The following TNIK variants were observed in gnomAD, a reference collection of about 807,000 sequenced individuals.
TNIK encodes the protein TRAF2 and NCK interacting kinase, also known as TRAF2 and NCK-interacting protein kinase.
Under a neutral mutation model 191.3 loss-of-function variants are expected in TNIK, and 49 were observed. The ratio of observed to expected loss-of-function variants is 0.26; its 90% confidence interval spans 0.20 to 0.32. The LOEUF (loss-of-function observed/expected upper bound fraction) is 0.32. Ranked by LOEUF, TNIK falls within the 10% of genes least tolerant of loss-of-function variation. TNIK has a pLI of 1.00. For synonymous variants in TNIK, 594 were observed against 600.9 expected (o/e 0.99, Z 0.17); for missense variants, 1,155 against 1,702.3 (o/e 0.68, Z 5.66).
At chr3:171,217,337 T>C (rs1741568997) in intron 3 of TNIK, among the ~76,000 whole-genome samples, 1 of 152,080 alleles carries the variant, frequency 6.6e-6, no homozygotes, top group East Asian at 1.9e-4. Context: ...TATGAATGGG[T>C]GCTAAGCATT....
chr3:171,260,683 G>C (rs1416131785), intron 2 of TNIK, among the ~76,000 whole-genome samples: 1 of 152,272 alleles, frequency 6.6e-6, no homozygotes, highest in Admixed American at 6.5e-5. Context: ...CCAATGAGTT[G>C]TTTTTAGCTA....
chr3:171,382,025 A>G lies in TNIK; in HGVS notation c.58-12340T>C, dbSNP rs564073317. Among the ~76,000 whole-genome samples the G allele has an allele frequency of 3.9e-5, 6 of 152,308 alleles. 1 individual carries two copies. The highest frequency in any genetic ancestry group is 1.9e-4 in the East Asian group (1 of 5,190). ...TATCTTGAAAGAGAAACAAACTTCT[A>G]TCTTCCTTAACCCACTAATATTTTG... On this transcript the variant is annotated intron_variant, in intron 1 of 32. Coordinates refer to ENST00000436636, the MANE Select transcript of TNIK (RefSeq NM_015028.4).
chr3:171,254,206 G>C (rs1276279711), intron 2 of TNIK, among the ~76,000 whole-genome samples: 1 of 152,002 alleles, frequency 6.6e-6, no homozygotes, highest in Admixed American at 6.6e-5. Flanking sequence ...TTAATGTAGC[G>C]TGTCTATTAC....
At position 171,217,759 on chromosome 3, in the gene TNIK, T is replaced by G. The variant is rs116202146; in HGVS notation, c.181-6518A>C. Among the ~76,000 whole-genome samples, 1,268 of 152,258 alleles carry G rather than the reference T, an allele frequency of 8.3e-3. 17 individuals carry two copies. The highest frequency in any genetic ancestry group is 0.028 in the African/African-American group (1,184 of 41,564). ...CAAAATTACGACCATGAGAAGTATGTGGTAGCTGATCTAATTAACCTCAAG... is the reference window on the plus strand; with the variant it reads ...CAAAATTACGACCATGAGAAGTATGGGGTAGCTGATCTAATTAACCTCAAG... On this transcript the variant is annotated intron_variant, in intron 3 of 32. Coordinates refer to ENST00000436636, the MANE Select transcript of TNIK (RefSeq NM_015028.4).
rs537355876 is a variant in TNIK at position 171,433,898 on chromosome 3, CTTATTA to C, written c.57+26103_57+26108del. Among the ~76,000 whole-genome samples, 48 of 141,658 alleles carry C rather than the reference CTTATTA, an allele frequency of 3.4e-4. 1 individual carries two copies. In the South Asian group the frequency reaches 0.01, roughly 31 times the overall value. 92.9% of individuals were successfully genotyped at this position (141,658 alleles called of 152,430 possible). On this transcript the variant is annotated intron_variant, in intron 1 of 32. Transcript: ENST00000436636. ...TACATTAATTTCTAGATATTTTACACTTATTATTATTAAGAATATCTGTTTTCTTTT... is the reference window on the plus strand; with the variant it reads ...TACATTAATTTCTAGATATTTTACACTTATTAAGAATATCTGTTTTCTTTT...
chr3:171,092,947 T>A (rs559527957), intron 23 of TNIK, among the ~76,000 whole-genome samples: 2 of 152,138 alleles, frequency 1.3e-5, no homozygotes, highest in African/African-American at 4.8e-5. Flanking sequence ...GAGGAGAGAG[T>A]GAAATAAAAT....
chr3:171,387,869 T>C (rs929291369), intron 1 of TNIK, among the ~76,000 whole-genome samples: 1 of 151,986 alleles, frequency 6.6e-6, no homozygotes, highest in Non-Finnish European at 1.5e-5. Context: ...AGTGATTGTA[T>C]GTTCTCAGGA....
chr3:171,169,480 C>A (rs867001035), intron 9 of TNIK, among the ~76,000 whole-genome samples: 13 of 152,260 alleles, frequency 8.5e-5, no homozygotes, highest in African/African-American at 3.1e-4. Flanking sequence ...GTTGACCAGG[C>A]TGGTCTCAAA....
intron 2 of TNIK, among the ~76,000 whole-genome samples, chr3:171,322,681 T>C (rs1270962322): frequency 6.6e-6 from 1 of 152,124 alleles, no homozygotes; most frequent in South Asian, 2.1e-4. Context: ...CACAAAATGG[T>C]GTAAAAATAA....
At chr3:171,142,122 C>T (rs1359754218) in intron 12 of TNIK, among the ~76,000 whole-genome samples, 1 of 152,220 alleles carries the variant, frequency 6.6e-6, no homozygotes, top group Non-Finnish European at 1.5e-5. Flanking sequence ...TCTCTTAAGA[C>T]TCAGTTTCTG....
intron 3 of TNIK, among the ~76,000 whole-genome samples, chr3:171,216,382 TAGAA>T (rs1374971519): frequency 6.6e-6 from 1 of 152,208 alleles, no homozygotes; most frequent in Admixed American, 6.5e-5. Context: ...AATACAAAAT[TAGAA>T]AGAAATTTAA....
At chr3:171,089,842 CTT>C (rs1394042430) in intron 23 of TNIK, among the ~76,000 whole-genome samples, 1 of 152,196 alleles carries the variant, frequency 6.6e-6, no homozygotes, top group East Asian at 1.9e-4. Flanking sequence ...GTGCTAAACA[CTT>C]TATATATGAC....
chr3:171,161,703 G>A (rs989671576), intron 10 of TNIK, among the ~76,000 whole-genome samples: 2 of 151,822 alleles, frequency 1.3e-5, no homozygotes, highest in Non-Finnish European at 2.9e-5. Context: ...CGGATCACAA[G>A]GTCAGGAGAT....
At chr3:171,093,760 G>A in intron 23 of TNIK, 79 bp downstream of exon 23, 1 of 1,563,778 alleles carries the variant, frequency 6.4e-7, no homozygotes, top group South Asian at 1.2e-5. Context: ...ACATGCCATA[G>A]GCATTCTCTG....
At chr3:171,384,843 T>C (rs1233429685) in intron 1 of TNIK, among the ~76,000 whole-genome samples, 1 of 152,226 alleles carries the variant, frequency 6.6e-6, no homozygotes, top group East Asian at 1.9e-4. Flanking sequence ...TTTTCTGACA[T>C]TGAACAAGGC....
At position 171,249,125 on chromosome 3, in the gene TNIK, A is replaced by G. The variant is rs1444438262; in HGVS notation, c.124-20904T>C. ...TTGCATACTGTTTTCTTATTATAGA[A>G]ACATTAAAAGTAACTAGCTATTGAA... On this transcript the variant is annotated intron_variant, in intron 2 of 32. Coordinates refer to ENST00000436636, the MANE Select transcript of TNIK (RefSeq NM_015028.4). Among the ~76,000 whole-genome samples, 3 of 152,236 alleles carry G rather than the reference A, an allele frequency of 2.0e-5. No homozygotes were observed. In the South Asian group the frequency reaches 6.2e-4, roughly 31 times the overall value.
chr3:171,219,422 G>GGTGCCA (rs913992878), intron 3 of TNIK, among the ~76,000 whole-genome samples: 11 of 150,174 alleles, frequency 7.3e-5, no homozygotes, highest in African/African-American at 1.7e-4. Flanking sequence ...GCACCTACTA[G>GGTGCCA]GTGCCAGTGC....
chr3:171,324,604 A>C (rs925209719), intron 2 of TNIK, among the ~76,000 whole-genome samples: 1 of 152,142 alleles, frequency 6.6e-6, no homozygotes, highest in Non-Finnish European at 1.5e-5. Context: ...CCTTACCTAC[A>C]CAAAGAACTC....
chr3:171,346,629 G>A (rs1207125500), intron 2 of TNIK, among the ~76,000 whole-genome samples: 1 of 152,084 alleles, frequency 6.6e-6, no homozygotes, highest in Non-Finnish European at 1.5e-5. Context: ...ATGTGCCGGG[G>A]GTATGAAAGC....
Sources: gnomAD v4.1 joint callset for allele counts (sites outside exome capture counted in the v4.1 genomes callset) on GRCh38, gnomAD v4.1.1 for gene constraint, MANE v1.5 for transcripts, NCBI Gene and HGNC (gene_info 2026-07-23, HGNC 2026-07-21) for gene names.